The following FBXO3 variants were observed in gnomAD, a reference collection of about 807,000 sequenced individuals.
FBXO3 encodes F-box only protein 3.
A neutral mutation model predicts 64.8 loss-of-function variants in FBXO3; 17 were observed. The ratio of observed to expected loss-of-function variants is 0.26; its 90% confidence interval spans 0.18 to 0.39. FBXO3 has a LOEUF of 0.39. Among genes scored for constraint, FBXO3 ranks in the 10% least tolerant of loss-of-function variants. The pLI is 1.00. For synonymous variants in FBXO3, 182 were observed against 201.6 expected (o/e 0.90, Z 0.82); for missense variants, 420 against 589.9 (o/e 0.71, Z 2.98).
Position 33,741,851 on chromosome 11 carries a change from G to A in FBXO3, c.*57C>T. On this transcript the variant is annotated 3_prime_UTR_variant, in exon 11 of 11. Transcript: ENST00000265651. ...GAACAATTTAGTTATTTACATTATT[G>A]AGAAATCTATTTAACAGCCTAGAAT... is the stretch of plus-strand genomic sequence containing the variant. 6.7e-7 allele frequency: 1 copy of A among 1,486,430 alleles called. No homozygotes were observed. Among genetic ancestry groups the A allele is most frequent in the East Asian group, 2.4e-5 (1 of 42,448 alleles). The allele number at this position is 1,486,430 out of a possible 1,614,324, so 92.1% of individuals were successfully genotyped here. A position where few individuals can be genotyped will look rare whatever the true frequency, so the allele number is the denominator to read the frequency against.
rs951710787 is a variant in FBXO3 at position 33,751,576 on chromosome 11, A to G, written c.756T>C (p.Tyr252=). 2.5e-6 allele frequency: 4 copies of G among 1,608,414 alleles called. No individual in the cohort carries two copies. Among genetic ancestry groups the G allele is most frequent in the East Asian group, 4.5e-5 (2 of 44,412 alleles). The change falls in exon 7 of 11, where the codon TAT becomes TAC. Residue 252 remains tyrosine, a synonymous_variant. Transcript: ENST00000265651. Reference sequence around the variant, plus strand: ...AGCCACCTGATACAACATTTTTGACATAAGAGGTAAACCAGTCAGTAAAAG... The same window carrying G: ...AGCCACCTGATACAACATTTTTGACGTAAGAGGTAAACCAGTCAGTAAAAG... The part of the protein sequence containing the change: ...GATFTDWFTS[Y]VKNVVSGGFP...
chr11:33,747,569 T>G (rs576635760), intron 9 of FBXO3, among the ~76,000 whole-genome samples: 1 of 151,724 alleles, frequency 6.6e-6, no homozygotes, highest in South Asian at 2.1e-4. Flanking sequence ...TGGAGTGCAG[T>G]GGCGTGATCT....
At chr11:33,768,670 G>C in intron 3 of FBXO3, 181 bp downstream of exon 3, 1 of 627,436 alleles carries the variant, frequency 1.6e-6, no homozygotes, top group Non-Finnish European at 2.8e-6. Flanking sequence ...CCAAGGATGA[G>C]AAAAAACAGG....
intron 7 of FBXO3, 60 bp downstream of exon 7, chr11:33,751,463 A>C: frequency 8.9e-7 from 1 of 1,117,384 alleles, no homozygotes; most frequent in South Asian, 1.3e-5. Context: ...ATGATCTGTG[A>C]CTTATCATTT....
At chr11:33,742,285 T>C (rs1430523657) in intron 10 of FBXO3, 7 of 388,564 alleles carry the variant, frequency 1.8e-5, no homozygotes, top group African/African-American at 1.5e-4. Context: ...TAAATAATGC[T>C]CAGTGTGATT....
In FBXO3 at chr11:33,774,379, G is replaced by A; in HGVS notation, c.104+15C>T. ...CCCCATGCCCCCACCCCTGCCATGC[G>A]TGTCGTCCCATTACTTGATTAGATC... On this transcript the variant is annotated intron_variant, in intron 1 of 10. Transcript: ENST00000265651. 3 of 1,583,416 alleles carry A rather than the reference G, an allele frequency of 1.9e-6. No homozygotes were observed. The highest frequency in any genetic ancestry group is 2.6e-6 in the Non-Finnish European group (3 of 1,162,136).
At chr11:33,773,457 T>C (rs1240363501) in intron 1 of FBXO3, 2 of 152,196 alleles carry the variant, frequency 1.3e-5, no homozygotes, top group Non-Finnish European at 2.9e-5. Flanking sequence ...GGCTAGAATC[T>C]AATGGTTAAT....
At chr11:33,765,891 C>A (rs1315645922) in intron 3 of FBXO3, among the ~76,000 whole-genome samples, 5 of 152,118 alleles carry the variant, frequency 3.3e-5, no homozygotes, top group Non-Finnish European at 7.3e-5. Context: ...CTCCCTGAGG[C>A]CTCCCCAGAA....
At chr11:33,753,899 G>A (rs1855025720) in intron 6 of FBXO3, 1 of 152,158 alleles carries the variant, frequency 6.6e-6, no homozygotes, top group Non-Finnish European at 1.5e-5. Context: ...GCAAAGGGGT[G>A]AGCTGTAGTT....
intron 2 of FBXO3, 93 bp from the exon 3 acceptor site, chr11:33,769,107 C>A (rs1292471086): frequency 3.8e-6 from 4 of 1,056,652 alleles, no homozygotes. Flanking sequence ...TTGTACTTTT[C>A]CCTTCCTTTT....
At position 33,751,654 on chromosome 11, in the gene FBXO3, G is replaced by T. The variant is rs762895174; in HGVS notation, c.725-47C>A. ...AAAAAAGAAAAGAACAAATAGTTTT[G>T]TAAAATCTATACAGGAAACAATTGT... is the stretch of plus-strand genomic sequence containing the variant. On this transcript the variant is annotated intron_variant, in intron 6 of 10. Transcript: ENST00000265651. 1.5e-5 allele frequency: 17 copies of T among 1,163,032 alleles called. 1 individual carries two copies. The Admixed American group carries it at 2.9e-4, about 20-fold the overall frequency. The allele number at this position is 1,163,032 out of a possible 1,614,324, so 72.0% of individuals were successfully genotyped here.
At chr11:33,772,279 G>A (rs1284696455) in intron 1 of FBXO3, 1 of 152,152 alleles carries the variant, frequency 6.6e-6, no homozygotes, top group Non-Finnish European at 1.5e-5. Context: ...CAATACACTG[G>A]ATACTTTTCT....
At chr11:33,767,193 T>C (rs1855394075) in intron 3 of FBXO3, among the ~76,000 whole-genome samples, 1 of 152,226 alleles carries the variant, frequency 6.6e-6, no homozygotes, top group Non-Finnish European at 1.5e-5. Flanking sequence ...GGATAGGTCC[T>C]GTCTCCCTTC....
chr11:33,747,470 G>A lies in FBXO3; in HGVS notation c.1049-150C>T, dbSNP rs969595550. 2.1e-5 allele frequency: 13 copies of A among 623,158 alleles called. No individual in the cohort carries two copies. In the African/African-American group the frequency reaches 2.3e-4, roughly 11 times the overall value. 38.6% of individuals were successfully genotyped at this position (623,158 alleles called of 1,614,324 possible). On this transcript the variant is annotated intron_variant, in intron 9 of 10. Coordinates refer to ENST00000265651, the MANE Select transcript of FBXO3 (RefSeq NM_012175.4). ...ATTCCAAAAGAAAATGTAACAAAAT[G>A]TTAACAGTGATAGGACAATGAGTAG...
At chr11:33,761,036 A>C (rs1351835716) in intron 3 of FBXO3, among the ~76,000 whole-genome samples, 1 of 152,228 alleles carries the variant, frequency 6.6e-6, no homozygotes, top group East Asian at 1.9e-4. Context: ...ATTGGAGTTA[A>C]AGCATTCTAA....
intron 3 of FBXO3, among the ~76,000 whole-genome samples, chr11:33,765,014 CA>C (rs1316253812): frequency 6.6e-6 from 1 of 151,996 alleles, no homozygotes; most frequent in Non-Finnish European, 1.5e-5. Flanking sequence ...TCATAAAAGA[CA>C]AAGAAACTGC....
In FBXO3 at chr11:33,742,037, CTCCTCCTCCTCTTCT is replaced by C. The variant is rs2133587986; in HGVS notation, c.1272_1286del (p.Glu429_Glu433del). On this transcript the variant is annotated inframe_deletion, in exon 11 of 11. Transcript: ENST00000265651. ...CATCATCCTCGTCTTCCTCCTCTTC[CTCCTCCTCCTCTTCT>C]TCCATCTCTTCATATTCATCAGGAC... 1 of 1,584,350 alleles carries C rather than the reference CTCCTCCTCCTCTTCT, an allele frequency of 6.3e-7. No homozygotes were observed. The highest frequency in any genetic ancestry group is 2.3e-5 in the East Asian group (1 of 43,024).
chr11:33,768,654 T>C, intron 3 of FBXO3, 197 bp downstream of exon 3: 1 of 556,664 alleles, frequency 1.8e-6, no homozygotes, highest in South Asian at 2.9e-5. Context: ...AATAACCATG[T>C]GGGTCCCAAG....
intron 3 of FBXO3, among the ~76,000 whole-genome samples, chr11:33,762,504 C>T (rs1354027027): frequency 6.6e-6 from 1 of 151,640 alleles, no homozygotes. Context: ...CTTTAAAAGT[C>T]CAAAATATTT....
Sources: gnomAD v4.1 joint callset for allele counts (sites outside exome capture counted in the v4.1 genomes callset) on GRCh38, gnomAD v4.1.1 for gene constraint, MANE v1.5 for transcripts, NCBI Gene and HGNC (gene_info 2026-07-23, HGNC 2026-07-21) for gene names.